ZBBX: variants seen among roughly 807,000 people sequenced by gnomAD.
ZBBX encodes the protein zinc finger B-box domain containing.
A neutral mutation model predicts 108.5 loss-of-function variants in ZBBX; 101 were observed. The ratio of observed to expected loss-of-function variants is 0.93; its 90% CI spans 0.79 to 1.10. ZBBX has a LOEUF of 1.10. Ranked by LOEUF, ZBBX falls within the 50% of genes least tolerant of loss-of-function variation. The pLI, the probability that ZBBX is intolerant of heterozygous loss-of-function variation, is 0.00. For missense variants in ZBBX, 1,009 were observed against 941.4 expected, an observed-to-expected ratio of 1.07 and a Z score of -0.94; for synonymous variants, 356 against 323.4, an observed-to-expected ratio of 1.10 and a Z score of -1.08.
At chr3:167,337,633 C>T (rs934178963) in intron 9 of ZBBX, among the ~76,000 whole-genome samples, 5 of 152,150 alleles carry the variant, frequency 3.3e-5, no homozygotes, top group Non-Finnish European at 7.3e-5. Context: ...CCCAGAGTAA[C>T]TACTGTTAAC....
At chr3:167,186,030 T>C in the ZBBX span, among the ~76,000 whole-genome samples, 5 of 152,208 alleles carry the variant, frequency 3.3e-5, no homozygotes, top group East Asian at 9.6e-4. Context: ...TACTTTATTT[T>C]CCTTCATAAA....
At chr3:167,363,742 A>G (rs967952934) in intron 6 of ZBBX, among the ~76,000 whole-genome samples, 2 of 152,030 alleles carry the variant, frequency 1.3e-5, no homozygotes, top group Admixed American at 1.3e-4. Context: ...AAGGTCACCA[A>G]CTGCTTTCAT....
At chr3:167,301,954 TAAAAAAAAAAAAA>T (rs71176635) in intron 17 of ZBBX, among the ~76,000 whole-genome samples, 1 of 92,142 alleles carries the variant, frequency 1.1e-5, no homozygotes, top group Non-Finnish European at 2.1e-5. Context: ...AAGACTCCGT[TAAAAAAAAAAAAA>T]AAAAAAAAAA....
intron 20 of ZBBX, among the ~76,000 whole-genome samples, chr3:167,268,965 G>T (rs991999370): frequency 6.6e-6 from 1 of 152,122 alleles, no homozygotes; most frequent in Admixed American, 6.5e-5. Flanking sequence ...AGAGTATGGG[G>T]GAACAACGTT....
At position 167,242,559 on chromosome 3, in the gene ZBBX, G is replaced by T; in HGVS notation, c.2339C>A (p.Thr780Lys). 1 of 1,613,630 alleles carries T rather than the reference G, an allele frequency of 6.2e-7. No individual in the cohort carries two copies. Among genetic ancestry groups the T allele is most frequent in the Non-Finnish European group, 8.5e-7 (1 of 1,179,784 alleles). The change falls in exon 21 of 22, where the codon ACA (threonine) becomes AAA (lysine). Residue 780 changes from threonine (T) to lysine (K), a missense_variant. Transcript: ENST00000675490. ...SQSLNISQIS[T>K]DFLKTSHVRG... ...CACATGTGAGGTCTTAAGGAAATCT[G>T]TGGAAATCTGACTTATATTCAGTGA...
intron 20 of ZBBX, among the ~76,000 whole-genome samples, chr3:167,272,871 G>A (rs1020224413): frequency 3.9e-5 from 6 of 152,172 alleles, no homozygotes; most frequent in South Asian, 2.1e-4. Context: ...CCTCATCAGC[G>A]AGTGGTTGTA....
chr3:167,399,896 T>A (rs1426581601), intron 1 of ZBBX, among the ~76,000 whole-genome samples: 2 of 152,104 alleles, frequency 1.3e-5, no homozygotes, highest in Non-Finnish European at 2.9e-5. Flanking sequence ...CAGCATCTAC[T>A]GTTCCTGTGT....
At chr3:167,322,975 A>G (rs1336822450) in intron 11 of ZBBX, among the ~76,000 whole-genome samples, 2 of 152,098 alleles carry the variant, frequency 1.3e-5, no homozygotes, top group Non-Finnish European at 2.9e-5. Context: ...TTCAATGATT[A>G]ACTGCCAGAA....
intron 10 of ZBBX, chr3:167,331,526 G>A: frequency 1.0e-6 from 1 of 977,312 alleles, no homozygotes; most frequent in Non-Finnish European, 1.2e-6. Flanking sequence ...AATCAGAGAT[G>A]TCAGACATTT....
At chr3:167,179,681 G>A in the ZBBX span, among the ~76,000 whole-genome samples, 3 of 152,142 alleles carry the variant, frequency 2.0e-5, no homozygotes, top group Non-Finnish European at 2.9e-5. Flanking sequence ...TACAAGCTCC[G>A]CTTTTTGAGC....
intron 16 of ZBBX, among the ~76,000 whole-genome samples, chr3:167,310,541 T>A (rs1247225085): frequency 1.3e-5 from 2 of 152,124 alleles, no homozygotes; most frequent in Non-Finnish European, 2.9e-5. Flanking sequence ...AGTCTTATAA[T>A]CATGGCAGAA....
At chr3:167,354,899 C>G (rs1415906189) in intron 8 of ZBBX, among the ~76,000 whole-genome samples, 1 of 151,776 alleles carries the variant, frequency 6.6e-6, no homozygotes, top group African/African-American at 2.4e-5. Flanking sequence ...GCAGAGTAAG[C>G]TTATATATTT....
chr3:167,293,513 C>T (rs1731088722), intron 18 of ZBBX, among the ~76,000 whole-genome samples: 1 of 152,168 alleles, frequency 6.6e-6, no homozygotes, highest in Admixed American at 6.5e-5. Context: ...GCTAAAATCT[C>T]TCAATAAAAC....
At chr3:167,287,964 T>A (rs1437038941) in intron 19 of ZBBX, among the ~76,000 whole-genome samples, 3 of 152,120 alleles carry the variant, frequency 2.0e-5, no homozygotes, top group African/African-American at 7.2e-5. Flanking sequence ...GCAAATCATA[T>A]GCAATTAAAT....
intron 2 of ZBBX, among the ~76,000 whole-genome samples, chr3:167,376,019 G>A (rs968923703): frequency 4.6e-5 from 7 of 152,100 alleles, no homozygotes; most frequent in African/African-American, 1.7e-4. Flanking sequence ...TCACAATCAA[G>A]GGGAAATCCA....
intron 11 of ZBBX, among the ~76,000 whole-genome samples, chr3:167,326,293 T>G (rs1452104216): frequency 1.3e-5 from 2 of 152,096 alleles, no homozygotes; most frequent in Non-Finnish European, 2.9e-5. Context: ...TGTTACCTCA[T>G]TTTTTTGTGT....
At position 167,328,109 on chromosome 3, in the gene ZBBX, ATTT is replaced by A; in HGVS notation, c.692_694del (p.Glu231_Ile232delinsVal). On this transcript the variant is annotated inframe_deletion, in exon 11 of 22. Coordinates refer to ENST00000675490, the MANE Select transcript of ZBBX (RefSeq NM_001199201.2). ...ACGTTGTGCTCTTTTCATCGTTGTA[ATTT>A]CTACCTAATTAAAAGGATACATAGG... 1 of 1,608,818 alleles carries A rather than the reference ATTT, an allele frequency of 6.2e-7. No homozygotes were observed. The highest frequency in any genetic ancestry group is 8.5e-7 in the Non-Finnish European group (1 of 1,178,602).
At chr3:167,179,088 G>A in the ZBBX span, among the ~76,000 whole-genome samples, 1 of 151,970 alleles carries the variant, frequency 6.6e-6, no homozygotes, top group African/African-American at 2.4e-5. Flanking sequence ...CACTGCAAAA[G>A]GTGACATTTA....
downstream of ZBBX, among the ~76,000 whole-genome samples, chr3:167,237,395 C>T (rs1720273959): frequency 6.6e-6 from 1 of 151,904 alleles, no homozygotes; most frequent in Admixed American, 6.6e-5. Context: ...CTACGAATTT[C>T]AACAAGCATG....
Sources: gnomAD v4.1 joint callset for allele counts (sites outside exome capture counted in the v4.1 genomes callset) on GRCh38, gnomAD v4.1.1 for gene constraint, MANE v1.5 for transcripts, NCBI Gene and HGNC (gene_info 2026-07-23, HGNC 2026-07-21) for gene names.